The following SLC4A4 variants were observed in gnomAD, a reference collection of about 807,000 sequenced individuals.
The protein encoded by SLC4A4 is solute carrier family 4 member 4, also known as electrogenic sodium bicarbonate cotransporter 1.
A neutral mutation model predicts 111.5 loss-of-function variants in SLC4A4; 27 were observed. That is an observed-to-expected ratio of 0.24 (90% confidence interval 0.18 to 0.33). The LOEUF (loss-of-function observed/expected upper bound fraction) is 0.33, where lower values mean the gene tolerates loss of function less well. SLC4A4 is among the 10% of genes least tolerant of loss of function. The pLI, the probability that SLC4A4 is intolerant of heterozygous loss-of-function variation, is 1.00. For missense variants in SLC4A4, 909 were observed against 1,315.5 expected, an observed-to-expected ratio of 0.69 and a Z score of 4.78; for synonymous variants, 443 against 463.4, an observed-to-expected ratio of 0.96 and a Z score of 0.57.
At chr4:71,355,551 C>T (rs1006995208) in intron 5 of SLC4A4, among the ~76,000 whole-genome samples, 9 of 152,318 alleles carry the variant, frequency 5.9e-5, no homozygotes, top group Admixed American at 3.3e-4. Context: ...CCCAGACTCC[C>T]TACCAAGTGG....
intron 20 of SLC4A4, among the ~76,000 whole-genome samples, chr4:71,551,047 G>A (rs752137744): frequency 1.3e-5 from 2 of 151,842 alleles, no homozygotes; most frequent in Non-Finnish European, 2.9e-5. Flanking sequence ...GCTTAGTTCT[G>A]TGTTTCTGCA....
intron 1 of SLC4A4, among the ~76,000 whole-genome samples, chr4:71,222,048 C>T (rs900721259): frequency 5.3e-5 from 8 of 152,190 alleles, no homozygotes; most frequent in African/African-American, 1.7e-4. Context: ...TAGGTAAAGA[C>T]TATAAGCTCG....
chr4:71,423,235 A>C (rs1174640383), intron 7 of SLC4A4, among the ~76,000 whole-genome samples: 1 of 152,202 alleles, frequency 6.6e-6, no homozygotes. Flanking sequence ...ACTCCCATTA[A>C]CAATTGCTTC....
intron 1 of SLC4A4, among the ~76,000 whole-genome samples, chr4:71,221,028 G>T (rs1718716196): frequency 1.3e-5 from 2 of 152,198 alleles, no homozygotes; most frequent in African/African-American, 4.8e-5. Context: ...CTGCATCCAT[G>T]TTCCTGCAAA....
chr4:71,324,590 C>A (rs1727366552), intron 3 of SLC4A4, among the ~76,000 whole-genome samples: 1 of 151,852 alleles, frequency 6.6e-6, no homozygotes, highest in Non-Finnish European at 1.5e-5. Flanking sequence ...TGACAGAAAT[C>A]CTCGTTTTAA....
chr4:71,543,308 A>C (rs932875535), intron 18 of SLC4A4, among the ~76,000 whole-genome samples: 4 of 152,090 alleles, frequency 2.6e-5, no homozygotes, highest in African/African-American at 9.6e-5. Context: ...GCTGGAGAAG[A>C]GGTAGAGGCA....
chr4:71,130,143 A>G (rs1480120118), intron 2 of SLC4A4, among the ~76,000 whole-genome samples: 1 of 152,238 alleles, frequency 6.6e-6, no homozygotes. Context: ...ATAAAAGTTA[A>G]AAATGAATCC....
intron 7 of SLC4A4, among the ~76,000 whole-genome samples, chr4:71,403,780 A>G (rs142032566): frequency 2.9e-3 from 440 of 152,254 alleles, no homozygotes; most frequent in Middle Eastern, 0.01. Context: ...TAGAGTTTGT[A>G]TGTTCTGATT....
intron 2 of SLC4A4, among the ~76,000 whole-genome samples, chr4:71,179,841 G>GA (rs1308771837): frequency 6.6e-5 from 10 of 151,952 alleles, no homozygotes; most frequent in African/African-American, 2.2e-4. Flanking sequence ...CACAGAATTG[G>GA]AAAAACTACT....
chr4:71,354,788 C>T (rs981374461), intron 5 of SLC4A4, among the ~76,000 whole-genome samples: 1 of 152,084 alleles, frequency 6.6e-6, no homozygotes, highest in African/African-American at 2.4e-5. Context: ...GGGAGTTTTG[C>T]CTCTAATCAG....
intron 7 of SLC4A4, among the ~76,000 whole-genome samples, chr4:71,403,962 C>A (rs115924486): frequency 6.6e-6 from 1 of 152,110 alleles, no homozygotes; most frequent in African/African-American, 2.4e-5. Flanking sequence ...TAGCCATAGC[C>A]ATTAAGACCT....
At chr4:71,513,091 G>C (rs941261646) in intron 16 of SLC4A4, among the ~76,000 whole-genome samples, 1 of 152,036 alleles carries the variant, frequency 6.6e-6, no homozygotes, top group Non-Finnish European at 1.5e-5. Context: ...TCTTTTTGCT[G>C]CTCAGGATTG....
At chr4:71,300,725 G>T in intron 3 of SLC4A4, 1 of 373,600 alleles carries the variant, frequency 2.7e-6, no homozygotes, top group Non-Finnish European at 5.4e-6. Flanking sequence ...GCTTCTGGAG[G>T]GGGCCTGGGA....
rs542621768 is a variant in SLC4A4, at chr4:71,432,730, T to A, written c.808-7886T>A. On this transcript the variant is annotated intron_variant, in intron 7 of 25. Transcript: ENST00000264485. Reference sequence around the variant, plus strand: ...TTCTTCTTATATGAAGTATCAAATTTAAAAAAATCTTTAAAAAGCCTACAG... The same window carrying A: ...TTCTTCTTATATGAAGTATCAAATTAAAAAAAATCTTTAAAAAGCCTACAG... Among the ~76,000 whole-genome samples the A allele has an allele frequency of 9.9e-5, 15 of 152,092 alleles. 1 individual carries two copies. Among genetic ancestry groups the A allele is most frequent in the Admixed American group, 9.8e-4 (15 of 15,260 alleles).
At chr4:71,161,870 T>G (rs1334466592) in intron 2 of SLC4A4, among the ~76,000 whole-genome samples, 1 of 152,208 alleles carries the variant, frequency 6.6e-6, no homozygotes, top group African/African-American at 2.4e-5. Context: ...TAATCTGTTC[T>G]CAGAGTTTAT....
intron 2 of SLC4A4, among the ~76,000 whole-genome samples, chr4:71,121,876 C>T (rs1312090339): frequency 2.6e-5 from 4 of 152,198 alleles, no homozygotes; most frequent in East Asian, 1.9e-4. Flanking sequence ...ACACTCACAA[C>T]GAATGTCTGC....
chr4:71,329,765 G>A (rs1327495185), intron 3 of SLC4A4, among the ~76,000 whole-genome samples: 1 of 152,070 alleles, frequency 6.6e-6, no homozygotes, highest in Admixed American at 6.6e-5. Flanking sequence ...TGCAAACAAG[G>A]TTAATTTGAG....
At chr4:71,335,403 C>T (rs1372104417) in intron 3 of SLC4A4, among the ~76,000 whole-genome samples, 1 of 152,160 alleles carries the variant, frequency 6.6e-6, no homozygotes, top group Admixed American at 6.5e-5. Flanking sequence ...TTCTGCCTGT[C>T]ATTTCTTCAT....
chr4:71,103,960 T>C (rs1258671164), intron 2 of SLC4A4, among the ~76,000 whole-genome samples: 13 of 106,272 alleles, frequency 1.2e-4, no homozygotes, highest in Non-Finnish European at 2.1e-4. Context: ...AAAAAACCCT[T>C]CAAAAAATTA....
Sources: gnomAD v4.1 joint callset for allele counts (sites outside exome capture counted in the v4.1 genomes callset) on GRCh38, gnomAD v4.1.1 for gene constraint, MANE v1.5 for transcripts, NCBI Gene and HGNC (gene_info 2026-07-23, HGNC 2026-07-21) for gene names.